Variants in ADAMTS2 observed in about 807,000 individuals in gnomAD.
The protein encoded by ADAMTS2 is ADAM metallopeptidase with thrombospondin type 1 motif 2.
A neutral mutation model predicts 123.0 loss-of-function variants in ADAMTS2; 50 were observed. The observed-to-expected ratio is 0.41, with a 90% confidence interval of 0.32 to 0.51. The LOEUF is 0.51. Ranked by LOEUF, ADAMTS2 falls within the 20% of genes least tolerant of loss-of-function variation. ADAMTS2 has a pLI of 0.35. For missense variants in ADAMTS2, 1,494 were observed against 1,705.2 expected, an observed-to-expected ratio of 0.88 and a Z score of 2.18; for synonymous variants, 678 against 695.4, an observed-to-expected ratio of 0.98 and a Z score of 0.39.
intron 7 of ADAMTS2, 132 bp downstream of exon 7, chr5:179,154,682 G>C: frequency 1.3e-6 from 1 of 741,774 alleles, no homozygotes; most frequent in Non-Finnish European, 2.3e-6. Flanking sequence ...GCGCTGGGAA[G>C]ACAGGAGACC....
Position 179,158,660 on chromosome 5 carries a change from T to C in ADAMTS2, c.1132+63A>G. On this transcript the variant is annotated intron_variant, in intron 6 of 21. Coordinates refer to ENST00000251582, the MANE Select transcript of ADAMTS2 (RefSeq NM_014244.5). This position sits in a 1 kb window ranked among gnomAD's most constrained non-coding sequence, Gnocchi z 5.0. ...GCTGGGCCAAGGCTCCCGGGGCCCCTTGCATGGCCAGGGGCTCATTTCCAG... is the reference window on the plus strand; with the variant it reads ...GCTGGGCCAAGGCTCCCGGGGCCCCCTGCATGGCCAGGGGCTCATTTCCAG... The C allele has an allele frequency of 1.2e-6, 2 of 1,612,042 alleles. No individual in the cohort carries two copies. The highest frequency in any genetic ancestry group is 3.3e-5 in the Admixed American group (2 of 60,000).
intron 2 of ADAMTS2, among the ~76,000 whole-genome samples, chr5:179,289,565 C>T (rs556742156): frequency 2.6e-5 from 4 of 152,220 alleles, no homozygotes; most frequent in East Asian, 1.9e-4. Flanking sequence ...AGCAGCTACC[C>T]ACGGGAGATT....
intron 2 of ADAMTS2, among the ~76,000 whole-genome samples, chr5:179,289,735 G>T (rs1310200700): frequency 6.6e-6 from 1 of 152,202 alleles, no homozygotes; most frequent in Admixed American, 6.5e-5. Context: ...GGGCATCACT[G>T]ACAATAGGAG....
At chr5:179,141,978 C>T (rs1049078458) in intron 10 of ADAMTS2, among the ~76,000 whole-genome samples, 1 of 152,086 alleles carries the variant, frequency 6.6e-6, no homozygotes, top group Non-Finnish European at 1.5e-5. Context: ...GCTACCATTC[C>T]CATCTAGTGA....
chr5:179,262,821 G>A lies in ADAMTS2; in HGVS notation c.688+10090C>T, dbSNP rs1430522111. On this transcript the variant is annotated intron_variant, in intron 3 of 21. Coordinates refer to ENST00000251582, the MANE Select transcript of ADAMTS2 (RefSeq NM_014244.5). This position sits in a 1 kb window ranked among gnomAD's most constrained non-coding sequence, Gnocchi z 5.9. ...GAGCCCAGAGAACAGGGACTCGATC[G>A]GGTTCCTCCGCTGCTACAGCCCCAG... 6.6e-6 allele frequency among the ~76,000 whole-genome samples: 1 copy of A among 152,242 alleles called. No individual in the cohort carries two copies. The highest frequency in any genetic ancestry group is 1.5e-5 in the Non-Finnish European group (1 of 68,044).
At chr5:179,152,487 G>A (rs1046628207) in intron 9 of ADAMTS2, among the ~76,000 whole-genome samples, 33 of 152,166 alleles carry the variant, frequency 2.2e-4, no homozygotes, top group Non-Finnish European at 2.9e-4. Context: ...GTCTTTGGAG[G>A]CTGCACACCT....
rs992339341 is a variant in ADAMTS2, at chr5:179,162,081, C to A, written c.976-3202G>T. On this transcript the variant is annotated intron_variant, in intron 5 of 21. Coordinates refer to ENST00000251582, the MANE Select transcript of ADAMTS2 (RefSeq NM_014244.5). This position sits in a 1 kb window ranked among gnomAD's most constrained non-coding sequence, Gnocchi z 5.1. ...TCCTCCAGGGCACGTCTCCCAGCAT[C>A]AGTGTCAAGGGAGTCCTGTCCAAGA... 6.6e-6 allele frequency among the ~76,000 whole-genome samples: 1 copy of A among 152,180 alleles called. No homozygotes were observed. Among genetic ancestry groups the A allele is most frequent in the African/African-American group, 2.4e-5 (1 of 41,452 alleles).
intron 2 of ADAMTS2, among the ~76,000 whole-genome samples, 199 bp downstream of exon 2, chr5:179,343,568 G>T (rs1392736276): frequency 6.6e-6 from 1 of 152,208 alleles, no homozygotes; most frequent in African/African-American, 2.4e-5. Context: ...TGCATAAATG[G>T]CCCCCTGCTC....
intron 21 of ADAMTS2, among the ~76,000 whole-genome samples, chr5:179,116,308 C>T (rs554377602): frequency 2.0e-5 from 3 of 146,550 alleles, no homozygotes; most frequent in African/African-American, 7.5e-5. Context: ...TGTCCCTTTC[C>T]CCTTTCCAAC....
chr5:179,332,875 C>A lies in ADAMTS2; in HGVS notation c.534+10892G>T, dbSNP rs1488185166. 6.6e-6 allele frequency among the ~76,000 whole-genome samples: 1 copy of A among 152,160 alleles called. No homozygotes were observed. The highest frequency in any genetic ancestry group is 1.5e-5 in the Non-Finnish European group (1 of 68,020). On this transcript the variant is annotated intron_variant, in intron 2 of 21. Transcript: ENST00000251582. This position sits in a 1 kb window ranked among gnomAD's most constrained non-coding sequence, Gnocchi z 4.2. ...ACCACTGCCCCCACCTTGCCCTGAT[C>A]AGGTCTGCAGGATCAGTGCTCAACG...
At chr5:179,116,163 C>A (rs1392062444) in intron 21 of ADAMTS2, among the ~76,000 whole-genome samples, 1 of 152,160 alleles carries the variant, frequency 6.6e-6, no homozygotes, top group Non-Finnish European at 1.5e-5. Flanking sequence ...CTCTTGGCTG[C>A]ACTATGGGAG....
At chr5:179,216,216 A>T (rs368062447) in intron 3 of ADAMTS2, among the ~76,000 whole-genome samples, 36 of 152,290 alleles carry the variant, frequency 2.4e-4, no homozygotes, top group African/African-American at 8.7e-4. Flanking sequence ...GTGGAGAGCG[A>T]CTGAGCCATA....
chr5:179,255,231 T>C (rs1355200919), intron 3 of ADAMTS2, among the ~76,000 whole-genome samples: 1 of 152,122 alleles, frequency 6.6e-6, no homozygotes, highest in Non-Finnish European at 1.5e-5. Flanking sequence ...GATAAATGGA[T>C]GAATGATTGG....
chr5:179,248,441 A>T (rs951876145), intron 3 of ADAMTS2, among the ~76,000 whole-genome samples: 2 of 152,172 alleles, frequency 1.3e-5, no homozygotes, highest in African/African-American at 4.8e-5. Context: ...AGAGAATGGG[A>T]GAATGGATTA....
At chr5:179,173,610 C>T (rs575246763) in intron 5 of ADAMTS2, among the ~76,000 whole-genome samples, 4 of 152,198 alleles carry the variant, frequency 2.6e-5, no homozygotes, top group Admixed American at 6.5e-5. Flanking sequence ...ATGCCATGAC[C>T]CTTGTCTTGT....
At chr5:179,205,560 T>A (rs1167187525) in intron 4 of ADAMTS2, among the ~76,000 whole-genome samples, 1 of 152,194 alleles carries the variant, frequency 6.6e-6, no homozygotes, top group Admixed American at 6.5e-5. Flanking sequence ...AGCCCAGTCC[T>A]TTCCCCGCTG....
At chr5:179,182,779 C>T (rs533694486) in intron 4 of ADAMTS2, among the ~76,000 whole-genome samples, 4 of 152,274 alleles carry the variant, frequency 2.6e-5, no homozygotes, top group East Asian at 1.9e-4. Flanking sequence ...CCCACGGGAG[C>T]GTGGCTGGTC....
rs340122 is a variant in ADAMTS2, at chr5:179,260,682, G to A, written c.688+12229C>T. 0.17 allele frequency among the ~76,000 whole-genome samples: 25,665 copies of A among 152,072 alleles called. 2,429 individuals carry two copies. Among genetic ancestry groups the A allele is most frequent in the South Asian group, 0.41 (1,967 of 4,814 alleles). On this transcript the variant is annotated intron_variant, in intron 3 of 21. Coordinates refer to ENST00000251582, the MANE Select transcript of ADAMTS2 (RefSeq NM_014244.5). This position sits in a 1 kb window ranked among gnomAD's most constrained non-coding sequence, Gnocchi z 4.2. Reference sequence around the variant, plus strand: ...ACAGCTTACTATCTGTGCGACCGTCGGCACCTCAGTTTCCTCATCTGTAAC... The same window carrying A: ...ACAGCTTACTATCTGTGCGACCGTCAGCACCTCAGTTTCCTCATCTGTAAC...
chr5:179,312,641 CCAGGCAGAGGAGAAGGCCACGTA>C lies in ADAMTS2; in HGVS notation c.534+31103_534+31125del, dbSNP rs1160008957. On this transcript the variant is annotated intron_variant, in intron 2 of 21. Transcript: ENST00000251582. The surrounding 1 kb of genome is among the most constrained non-coding windows in gnomAD (Gnocchi z 4.2). Reference sequence around the variant, plus strand: ...TCAGAGGAAGGCAGAGCAAGATGAGCCAGGCAGAGGAGAAGGCCACGTACAGGCAGAGCAGAGGGAGATGGAGG... The same window carrying C: ...TCAGAGGAAGGCAGAGCAAGATGAGCCAGGCAGAGCAGAGGGAGATGGAGG... 4.6e-5 allele frequency among the ~76,000 whole-genome samples: 7 copies of C among 152,218 alleles called. No individual in the cohort carries two copies. Among genetic ancestry groups the C allele is most frequent in the Non-Finnish European group, 8.8e-5 (6 of 68,050 alleles).
Sources: gnomAD v4.1 joint callset for allele counts (sites outside exome capture counted in the v4.1 genomes callset) on GRCh38, gnomAD v4.1.1 for gene constraint, Gnocchi (gnomAD v3.1) non-coding constraint, MANE v1.5 for transcripts, NCBI Gene and HGNC (gene_info 2026-07-23, HGNC 2026-07-21) for gene names.